The following CLIC5 variants were observed in gnomAD, a reference collection of about 807,000 sequenced individuals.
CLIC5 encodes the protein CLIC family member 5.
In CLIC5, 20 loss-of-function variants were observed where a neutral mutation model predicts 24.7. The observed-to-expected ratio is 0.81, with a 90% CI of 0.57 to 1.18. CLIC5 has a LOEUF of 1.18. Ranked by LOEUF, CLIC5 falls within the 50% of genes most tolerant of loss-of-function variation. The probability of loss-of-function intolerance (pLI) is 0.00; values close to 1 mark genes in which losing one functional copy is unlikely to be tolerated. For synonymous variants in CLIC5, 159 were observed against 135.6 expected (o/e 1.17, Z -1.20); for missense variants, 341 against 326.1 (o/e 1.05, Z -0.35).
intron 6 of CLIC5, among the ~76,000 whole-genome samples, chr6:45,883,538 G>A (rs1248030309): frequency 6.6e-6 from 1 of 152,156 alleles, no homozygotes; most frequent in African/African-American, 2.4e-5. Context: ...GAGGAGAAAG[G>A]CTTTATCTAT....
At chr6:46,062,292 A>T (rs1175920933) in intron 1 of CLIC5, among the ~76,000 whole-genome samples, 1 of 152,228 alleles carries the variant, frequency 6.6e-6, no homozygotes, top group Non-Finnish European at 1.5e-5. Flanking sequence ...TGTAAAAAAA[A>T]ATGCACTTGT....
At chr6:45,959,855 C>A (rs985647606) in intron 1 of CLIC5, among the ~76,000 whole-genome samples, 13 of 152,122 alleles carry the variant, frequency 8.5e-5, no homozygotes, top group Non-Finnish European at 1.5e-4. Context: ...GACATGTATG[C>A]AAAGGTTGAG....
At chr6:46,023,947 C>G (rs939812987) in intron 1 of CLIC5, among the ~76,000 whole-genome samples, 1 of 151,328 alleles carries the variant, frequency 6.6e-6, no homozygotes, top group Non-Finnish European at 1.5e-5. Context: ...ACCTACACAT[C>G]TGATTTTCTT....
chr6:45,953,967 T>A (rs1764554404), intron 2 of CLIC5, among the ~76,000 whole-genome samples: 1 of 151,974 alleles, frequency 6.6e-6, no homozygotes, highest in South Asian at 2.1e-4. Context: ...GCAGGAAGTG[T>A]TTAGTGCCTA....
chr6:45,908,225 TTTGGTTTCA>T (rs1329690127), intron 5 of CLIC5, among the ~76,000 whole-genome samples: 2 of 152,134 alleles, frequency 1.3e-5, no homozygotes, highest in East Asian at 3.8e-4. Flanking sequence ...AAAACCAACT[TTTGGTTTCA>T]TTGATTCTTT....
rs1554151284 is a variant in CLIC5 at position 45,958,441 on chromosome 6, T to TATACACACACACACAC, written c.64-3198_64-3197insGTGTGTGTGTGTGTAT. Among the ~76,000 whole-genome samples the TATACACACACACACAC allele has an allele frequency of 1.8e-3, 32 of 17,946 alleles. 3 individuals are homozygous for TATACACACACACACAC. Among genetic ancestry groups the TATACACACACACACAC allele is most frequent in the Middle Eastern group, 0.017 (1 of 60 alleles). 11.8% of individuals were successfully genotyped at this position (17,946 alleles called of 152,430 possible). On this transcript the variant is annotated intron_variant, in intron 1 of 5. Transcript: ENST00000339561. ...AGACAATTATATATATATATATATA[T>TATACACACACACACAC]ATATATATATATATATATATATATA...
intron 1 of CLIC5, among the ~76,000 whole-genome samples, chr6:45,963,600 T>C (rs1280253586): frequency 3.3e-5 from 5 of 151,810 alleles, no homozygotes; most frequent in African/African-American, 1.2e-4. Flanking sequence ...CCTTCCCAAG[T>C]CAGCAATAAC....
At chr6:46,105,738 C>G in the CLIC5 span, among the ~76,000 whole-genome samples, 1 of 152,180 alleles carries the variant, frequency 6.6e-6, no homozygotes, top group African/African-American at 2.4e-5. Context: ...GTTACCTGAT[C>G]TCTTTGGCCT....
chr6:45,920,887 G>T (rs1184008890), intron 4 of CLIC5, among the ~76,000 whole-genome samples: 1 of 152,192 alleles, frequency 6.6e-6, no homozygotes, highest in African/African-American at 2.4e-5. Flanking sequence ...GATATTCTAA[G>T]GGGATTTTGA....
intron 1 of CLIC5, among the ~76,000 whole-genome samples, chr6:45,998,295 A>T (rs1240410759): frequency 6.6e-6 from 1 of 152,230 alleles, no homozygotes; most frequent in Non-Finnish European, 1.5e-5. Context: ...CCCAGCACAC[A>T]GATGTTAGGA....
intron 1 of CLIC5, among the ~76,000 whole-genome samples, chr6:46,076,864 G>A (rs1000137216): frequency 8.5e-5 from 13 of 152,128 alleles, no homozygotes; most frequent in Non-Finnish European, 1.6e-4. Context: ...ATGGCTGGGC[G>A]CGGTGGCTCA....
intron 1 of CLIC5, among the ~76,000 whole-genome samples, chr6:46,021,435 A>C (rs1767180176): frequency 6.6e-6 from 1 of 152,222 alleles, no homozygotes; most frequent in Non-Finnish European, 1.5e-5. Flanking sequence ...GGTATTATCC[A>C]AGAGAAATGA....
At chr6:46,052,467 G>C (rs1768130566) in intron 1 of CLIC5, among the ~76,000 whole-genome samples, 2 of 152,234 alleles carry the variant, frequency 1.3e-5, no homozygotes, top group South Asian at 2.1e-4. Context: ...TTCTGGAAGA[G>C]AGAAGATAGG....
chr6:46,112,741 C>T, the CLIC5 span, among the ~76,000 whole-genome samples: 1 of 152,250 alleles, frequency 6.6e-6, no homozygotes, highest in Admixed American at 6.5e-5. Flanking sequence ...ATGAGCTTAT[C>T]AAGGTCTCTG....
chr6:46,099,170 C>A, the CLIC5 span, among the ~76,000 whole-genome samples: 24 of 152,322 alleles, frequency 1.6e-4, no homozygotes, highest in Admixed American at 3.3e-4. Flanking sequence ...GGTTGTCCCA[C>A]TGAATCCTAA....
At chr6:45,943,310 C>T (rs1015528127) in intron 3 of CLIC5, among the ~76,000 whole-genome samples, 4 of 152,238 alleles carry the variant, frequency 2.6e-5, no homozygotes, top group Admixed American at 1.3e-4. Context: ...AAAGGCTGAG[C>T]TGCCCACCTT....
At chr6:45,964,129 T>G (rs1764941458) in intron 1 of CLIC5, among the ~76,000 whole-genome samples, 1 of 152,218 alleles carries the variant, frequency 6.6e-6, no homozygotes, top group Non-Finnish European at 1.5e-5. Context: ...ACTCTCTGCC[T>G]CCAAGTTTGG....
chr6:45,962,952 C>T (rs181799413), intron 1 of CLIC5, among the ~76,000 whole-genome samples: 41 of 152,350 alleles, frequency 2.7e-4, no homozygotes, highest in Middle Eastern at 3.4e-3. Flanking sequence ...GTTCACCCTC[C>T]TGTGCTTCAC....
chr6:46,057,877 A>G (rs1042289605), intron 1 of CLIC5, among the ~76,000 whole-genome samples: 14 of 152,168 alleles, frequency 9.2e-5, no homozygotes, highest in Admixed American at 3.3e-4. Flanking sequence ...TTTATGAACT[A>G]CTTGTTGATC....
Sources: allele counts gnomAD v4.1 joint callset (sites outside exome capture counted in the v4.1 genomes callset), GRCh38; gene constraint gnomAD v4.1.1; transcripts MANE v1.5; gene names NCBI Gene and HGNC (gene_info 2026-07-23, HGNC 2026-07-21).